Variants in THADA observed in about 807,000 individuals in gnomAD.
THADA encodes THADA armadillo repeat containing.
In THADA, 213 loss-of-function variants were observed where a neutral mutation model predicts 219.8. That is an observed-to-expected ratio of 0.97 (90% CI 0.87 to 1.09). The LOEUF (loss-of-function observed/expected upper bound fraction) is 1.09. Ranked by LOEUF, THADA falls within the 50% of genes least tolerant of loss-of-function variation. The pLI is 0.00. For synonymous variants in THADA, 1,018 were observed against 828.9 expected (o/e 1.23, Z -3.92); for missense variants, 2,956 against 2,311.3 (o/e 1.28, Z -5.72).
intron 36 of THADA, among the ~76,000 whole-genome samples, chr2:43,266,266 T>C (rs1203866106): frequency 6.6e-6 from 1 of 151,978 alleles, no homozygotes; most frequent in Non-Finnish European, 1.5e-5. Context: ...ACAGAAACAA[T>C]AGGTCTGCCT....
At chr2:43,515,345 AATATTTT>A (rs1306683734) in intron 22 of THADA, among the ~76,000 whole-genome samples, 1 of 47,298 alleles carries the variant, frequency 2.1e-5, no homozygotes, top group East Asian at 3.8e-4. Flanking sequence ...TATAATATAT[AATATTTT>A]ATATATAATA....
intron 28 of THADA, among the ~76,000 whole-genome samples, chr2:43,424,012 G>T (rs540405772): frequency 1.9e-4 from 29 of 152,234 alleles, no homozygotes; most frequent in African/African-American, 5.8e-4. Context: ...CATTCACATG[G>T]TAAAGGGCTT....
chr2:43,257,428 G>A (rs775687518), intron 36 of THADA, among the ~76,000 whole-genome samples: 11 of 152,218 alleles, frequency 7.2e-5, no homozygotes, highest in African/African-American at 1.9e-4. Flanking sequence ...GGCTTCTCCC[G>A]GGCCAGCGGG....
At chr2:43,303,949 G>A (rs1676553893) in intron 31 of THADA, among the ~76,000 whole-genome samples, 1 of 152,168 alleles carries the variant, frequency 6.6e-6, no homozygotes, top group Non-Finnish European at 1.5e-5. Context: ...TGATGCTGCT[G>A]GGGCAGGGAC....
intron 7 of THADA, among the ~76,000 whole-genome samples, chr2:43,583,608 T>C (rs941428304): frequency 6.6e-6 from 1 of 152,240 alleles, no homozygotes; most frequent in Admixed American, 6.5e-5. Flanking sequence ...TATACTTGTA[T>C]ATCAATGTTT....
chr2:43,297,487 C>T (rs1476946611), intron 31 of THADA, among the ~76,000 whole-genome samples: 3 of 110,642 alleles, frequency 2.7e-5, no homozygotes, highest in African/African-American at 5.0e-5. Context: ...CCGCCCCATC[C>T]GGGAGGGAGG....
At chr2:43,315,568 T>C (rs751529576) in intron 31 of THADA, among the ~76,000 whole-genome samples, 2 of 151,972 alleles carry the variant, frequency 1.3e-5, no homozygotes, top group Non-Finnish European at 2.9e-5. Flanking sequence ...GTTGAAGGGA[T>C]CCTCCTGCCT....
rs557475612 is a variant in THADA, at chr2:43,349,989, T to C, written c.4228-5752A>G. On this transcript the variant is annotated intron_variant, in intron 29 of 37. Coordinates refer to ENST00000405975, the MANE Select transcript of THADA (RefSeq NM_022065.5). ...TCAGTGCCACATTTTCCTTAGTGTT[T>C]ACACAGGATTTTATTTCGACTGGTA... is the stretch of plus-strand genomic sequence containing the variant. Among the ~76,000 whole-genome samples, 192 of 152,354 alleles carry C rather than the reference T, an allele frequency of 1.3e-3. 1 individual carries two copies. Among genetic ancestry groups the C allele is most frequent in the African/African-American group, 4.4e-3 (183 of 41,584 alleles).
intron 28 of THADA, among the ~76,000 whole-genome samples, chr2:43,418,540 A>T (rs1677297170): frequency 6.6e-6 from 1 of 152,182 alleles, no homozygotes; most frequent in South Asian, 2.1e-4. Context: ...AGGCTGTTCA[A>T]ACTTCAGTGT....
Position 43,344,180 on chromosome 2 carries a change from G to A in THADA, c.4285C>T (p.Gln1429Ter), listed in dbSNP as rs564383457. The A allele has an allele frequency of 6.2e-7, 1 of 1,612,774 alleles. No homozygotes were observed. Among genetic ancestry groups the A allele is most frequent in the South Asian group, 1.1e-5 (1 of 90,556 alleles). ...ACAGTGATGTCAGTCAGCTCGTGCT[G>A]GAAGTCTGAATTCGTTCCGTGTTTG... ...DSKHGTNSDF[Q>*]HELTDITVCT... The change falls in exon 30 of 38, where the codon CAG becomes TAG. Residue 1429 changes from glutamine to a stop codon, truncating the protein, a stop_gained. Transcript: ENST00000405975. LOFTEE classifies it high-confidence loss of function.
chr2:43,487,154 T>A (rs1687014075), intron 25 of THADA, among the ~76,000 whole-genome samples: 1 of 152,158 alleles, frequency 6.6e-6, no homozygotes, highest in African/African-American at 2.4e-5. Flanking sequence ...ATCAATATAA[T>A]CTCTGCCCTC....
chr2:43,245,172 C>CTTCTTTTTTTTTT (rs796699945), intron 36 of THADA, among the ~76,000 whole-genome samples: 38 of 103,140 alleles, frequency 3.7e-4, no homozygotes, highest in African/African-American at 1.7e-3. Flanking sequence ...CTTTCTTCTT[C>CTTCTTTTTTTTTT]TTTTTTTTTT....
At chr2:43,452,060 T>C (rs1682415726) in intron 26 of THADA, among the ~76,000 whole-genome samples, 1 of 152,174 alleles carries the variant, frequency 6.6e-6, no homozygotes, top group Non-Finnish European at 1.5e-5. Context: ...TGAGCTGAGA[T>C]AGCACCACTG....
intron 36 of THADA, among the ~76,000 whole-genome samples, chr2:43,272,309 T>C (rs1288868928): frequency 6.6e-6 from 1 of 152,174 alleles, no homozygotes; most frequent in Non-Finnish European, 1.5e-5. Flanking sequence ...GAGAGAGTTC[T>C]GAGCAGAAGA....
chr2:43,465,053 T>C (rs1486810421), intron 26 of THADA, among the ~76,000 whole-genome samples: 1 of 152,204 alleles, frequency 6.6e-6, no homozygotes, highest in African/African-American at 2.4e-5. Flanking sequence ...TAATTTCCTC[T>C]TGTTTTCCCT....
chr2:43,543,237 G>A (rs1316264222), intron 20 of THADA, among the ~76,000 whole-genome samples: 24 of 135,538 alleles, frequency 1.8e-4, no homozygotes, highest in Admixed American at 7.8e-4. Context: ...GTATTCCATG[G>A]TGTATATATG....
chr2:43,486,616 C>A (rs1686950371), intron 25 of THADA: 1 of 152,162 alleles, frequency 6.6e-6, no homozygotes, highest in South Asian at 2.1e-4. Flanking sequence ...ATTTAGAAAA[C>A]AGCTTCCTGA....
In THADA at chr2:43,574,622, G is replaced by C; in HGVS notation, c.1443C>G (p.Ile481Met). 6.2e-7 allele frequency: 1 copy of C among 1,613,966 alleles called. No homozygotes were observed. Among genetic ancestry groups the C allele is most frequent in the Non-Finnish European group, 8.5e-7 (1 of 1,179,876 alleles). ...LAIDKTIPSQILEVMGDQSLV... is the reference protein window; with the variant it reads ...LAIDKTIPSQMLEVMGDQSLV... ...ATGACTGGTCTCCCATCACCTCTAA[G>C]ATTTGAGATGGAATAGTTTTATCTA... The change falls in exon 11 of 38, where the codon ATC becomes ATG. Residue 481 changes from isoleucine to methionine, a missense_variant. Coordinates refer to ENST00000405975, the MANE Select transcript of THADA (RefSeq NM_022065.5).
intron 36 of THADA, among the ~76,000 whole-genome samples, 176 bp downstream of exon 36, chr2:43,279,589 C>T (rs1673104346): frequency 6.6e-6 from 1 of 152,188 alleles, no homozygotes; most frequent in African/African-American, 2.4e-5. Flanking sequence ...TTTATTGGAA[C>T]ACAGTCATGC....
Sources: gnomAD v4.1 joint callset for allele counts (sites outside exome capture counted in the v4.1 genomes callset) on GRCh38, gnomAD v4.1.1 for gene constraint, MANE v1.5 for transcripts, NCBI Gene and HGNC (gene_info 2026-07-23, HGNC 2026-07-21) for gene names.